Variants in RNF6 observed in about 807,000 individuals in gnomAD.
The protein encoded by RNF6 is E3 ubiquitin-protein ligase RNF6.
Under a neutral mutation model 50.1 loss-of-function variants are expected in RNF6, and 21 were observed. The observed-to-expected ratio is 0.42, with a 90% CI of 0.30 to 0.60. The LOEUF (loss-of-function observed/expected upper bound fraction) is 0.60. RNF6 is among the 20% of genes least tolerant of loss of function. RNF6 has a pLI of 0.20. For synonymous variants in RNF6, 255 were observed against 291.8 expected, an observed-to-expected ratio of 0.87 and a Z score of 1.29; for missense variants, 698 against 838.2, an observed-to-expected ratio of 0.83 and a Z score of 2.07.
chr13:26,174,777 G>T (rs1008088079), intron 5 of RNF6, among the ~76,000 whole-genome samples: 1 of 152,068 alleles, frequency 6.6e-6, no homozygotes, highest in African/African-American at 2.4e-5. Flanking sequence ...GACCTCCCCA[G>T]CCCGCCTTGT....
At position 26,219,665 on chromosome 13, in the gene RNF6, T is replaced by C. The variant is rs1297770767; in HGVS notation, c.-16A>G. On this transcript the variant is annotated splice_region_variant and 5_prime_UTR_variant, in exon 3 of 5. Transcript: ENST00000381588. ...ACTGATTCATCCTGAGATTCCTGGC[T>C]TTCTGTTCAAACAATATAAACAACA... is the stretch of plus-strand genomic sequence containing the variant. 6.2e-7 allele frequency: 1 copy of C among 1,611,232 alleles called. No homozygotes were observed. Among genetic ancestry groups the C allele is most frequent in the South Asian group, 1.1e-5 (1 of 90,906 alleles).
At chr13:26,180,828 C>T (rs1593171102) in intron 5 of RNF6, among the ~76,000 whole-genome samples, 2 of 152,334 alleles carry the variant, frequency 1.3e-5, no homozygotes, top group African/African-American at 4.8e-5. Context: ...CACCTGCTGC[C>T]ACTGCTGTGC....
At chr13:26,146,776 T>C (rs1871269892) in intron 5 of RNF6, among the ~76,000 whole-genome samples, 1 of 152,212 alleles carries the variant, frequency 6.6e-6, no homozygotes, top group Admixed American at 6.5e-5. Context: ...GTCTGCTTAA[T>C]GGACCTGATA....
At chr13:26,191,631 G>A (rs924489248) in intron 5 of RNF6, among the ~76,000 whole-genome samples, 11 of 152,162 alleles carry the variant, frequency 7.2e-5, no homozygotes, top group African/African-American at 2.2e-4. Flanking sequence ...TCTTTCTCCC[G>A]CTGCCTTGTG....
chr13:26,196,372 C>T (rs1026865951), intron 5 of RNF6, among the ~76,000 whole-genome samples: 2 of 152,020 alleles, frequency 1.3e-5, no homozygotes, highest in African/African-American at 4.8e-5. Context: ...ATTTTCAGGC[C>T]GGGTGTGGTG....
intron 5 of RNF6, among the ~76,000 whole-genome samples, chr13:26,173,446 G>C (rs1210327707): frequency 1.3e-5 from 2 of 152,030 alleles, no homozygotes; most frequent in African/African-American, 2.4e-5. Context: ...AAACCTAAGA[G>C]TGATGTGAAA....
intron 4 of RNF6, among the ~76,000 whole-genome samples, chr13:26,217,983 A>T (rs1870069617): frequency 6.6e-6 from 1 of 152,230 alleles, no homozygotes; most frequent in African/African-American, 2.4e-5. Context: ...CTACTAATAA[A>T]TACCTCTGAG....
Position 26,213,722 on chromosome 13 carries a change from T to C in RNF6, c.*102A>G, listed in dbSNP as rs1319823946. 1 of 903,726 alleles carries C rather than the reference T, an allele frequency of 1.1e-6. No homozygotes were observed. Among genetic ancestry groups the C allele is most frequent in the Non-Finnish European group, 1.6e-6 (1 of 608,812 alleles). The allele number at this position is 903,726 out of a possible 1,614,324, so 56.0% of individuals were successfully genotyped here. Reference sequence around the variant, plus strand: ...AAAATAGTTCAAACTATATATAATCTGTTATTTTTCATCCTGGTTAGCTAA... The same window carrying C: ...AAAATAGTTCAAACTATATATAATCCGTTATTTTTCATCCTGGTTAGCTAA... On this transcript the variant is annotated 3_prime_UTR_variant, in exon 5 of 5. Transcript: ENST00000381588.
chr13:26,196,568 G>T (rs779566438), intron 5 of RNF6, among the ~76,000 whole-genome samples: 1 of 150,074 alleles, frequency 6.7e-6, no homozygotes, highest in Non-Finnish European at 1.5e-5. Context: ...GGGAGACGGA[G>T]GTTGCCGTGA....
At chr13:26,194,853 C>T (rs1430775775) in intron 5 of RNF6, among the ~76,000 whole-genome samples, 2 of 152,098 alleles carry the variant, frequency 1.3e-5, no homozygotes, top group East Asian at 3.9e-4. Context: ...CGTTTTTCTC[C>T]CTGCTTTATA....
intron 5 of RNF6, among the ~76,000 whole-genome samples, chr13:26,179,644 C>A (rs1654513989): frequency 6.6e-6 from 1 of 152,186 alleles, no homozygotes; most frequent in Non-Finnish European, 1.5e-5. Context: ...TCTGCCAAGA[C>A]CATTCAGGGT....
chr13:26,152,528 C>A (rs1420281253), intron 5 of RNF6, among the ~76,000 whole-genome samples: 1 of 152,216 alleles, frequency 6.6e-6, no homozygotes, highest in Non-Finnish European at 1.5e-5. Context: ...ACACTCCGAG[C>A]TTTCCAGGGG....
rs1250776615 is a variant in RNF6, at chr13:26,152,925, C to T, written n.769-20474G>A. 4.6e-5 allele frequency among the ~76,000 whole-genome samples: 7 copies of T among 151,954 alleles called. No homozygotes were observed. In the East Asian group the frequency reaches 9.7e-4, roughly 21 times the overall value. On this transcript the variant is annotated intron_variant and non_coding_transcript_variant, in intron 5 of 5. Coordinates refer to the RNF6 transcript ENST00000468480. ...ATCCCAGCACTTTGGGAGGCCGAGG[C>T]GGGCGGATCATGAGGTCAGGAGTTC...
intron 5 of RNF6, among the ~76,000 whole-genome samples, chr13:26,180,820 C>T (rs933165012): frequency 1.6e-4 from 24 of 152,218 alleles, no homozygotes; most frequent in African/African-American, 5.3e-4. Context: ...CCAGTCACCA[C>T]CTGCTGCCAC....
chr13:26,157,964 T>C (rs76470547), intron 5 of RNF6, among the ~76,000 whole-genome samples: 3,489 of 97,838 alleles, frequency 0.036, 52 homozygotes, highest in Middle Eastern at 0.067. Context: ...AGAAGATAGA[T>C]AGATAGATAG....
downstream of RNF6, among the ~76,000 whole-genome samples, chr13:26,208,110 G>T (rs1358892916): frequency 1.3e-5 from 2 of 152,224 alleles, no homozygotes; most frequent in African/African-American, 2.4e-5. Flanking sequence ...GTGCAGAAAA[G>T]AATTTACATG....
At chr13:26,186,273 C>T (rs1566425909) in intron 5 of RNF6, among the ~76,000 whole-genome samples, 1 of 152,244 alleles carries the variant, frequency 6.6e-6, no homozygotes, top group East Asian at 1.9e-4. Context: ...AAATCTGACA[C>T]ATCTGGAGTG....
At chr13:26,205,083 C>G (rs1167531543) in intron 5 of RNF6, among the ~76,000 whole-genome samples, 1 of 152,184 alleles carries the variant, frequency 6.6e-6, no homozygotes, top group Non-Finnish European at 1.5e-5. Flanking sequence ...AAAGTCCTAC[C>G]AAGCCAGATA....
At position 26,218,533 on chromosome 13, in the gene RNF6, C is replaced by T; in HGVS notation, c.267G>A (p.Leu89=). The T allele has an allele frequency of 6.2e-7, 1 of 1,613,814 alleles. No individual in the cohort carries two copies. Among genetic ancestry groups the T allele is most frequent in the African/African-American group, 1.3e-5 (1 of 75,036 alleles). The change falls in exon 4 of 5, where the codon TTG becomes TTA. Residue 89 remains leucine (L), a synonymous_variant. Transcript: ENST00000381588. ...TACCTCTGTAATTCGTTCCATCTCT[C>T]AAGTCAGGCTGAGATGCTAGTTGTT... ...VKEQLASQPD[L]RDGTNYRDSE...
Sources: allele counts gnomAD v4.1 joint callset (sites outside exome capture counted in the v4.1 genomes callset), GRCh38; gene constraint gnomAD v4.1.1; transcripts MANE v1.5; gene names NCBI Gene and HGNC (gene_info 2026-07-23, HGNC 2026-07-21).